Variants in UGGT1 observed in about 807,000 individuals in gnomAD.
UGGT1 encodes UDP-glucose glycoprotein glucosyltransferase 1.
UGGT1 carries 107 observed loss-of-function variants against 203.9 expected under a neutral mutation model. That is an observed-to-expected ratio of 0.52 (90% CI 0.45 to 0.62). The LOEUF is 0.62. Ranked by LOEUF, UGGT1 falls within the 20% of genes least tolerant of loss-of-function variation. The pLI is 0.00. For missense variants in UGGT1, 1,673 were observed against 1,867.2 expected (o/e 0.90, Z 1.92); for synonymous variants, 628 against 653.5 (o/e 0.96, Z 0.59).
At chr2:128,137,744 G>C (rs1253723668) in intron 15 of UGGT1, among the ~76,000 whole-genome samples, 1 of 152,190 alleles carries the variant, frequency 6.6e-6, no homozygotes, top group African/African-American at 2.4e-5. Flanking sequence ...GTCTGGTCTA[G>C]ACTGATTAAT....
chr2:128,170,380 C>A lies in UGGT1; in HGVS notation c.3014C>A (p.Pro1005His), dbSNP rs766859066. ...ACCAGAGAAGCACAGAGACTTGCTCCTTTGCTCTTGGTAGGAACGCTGTGC... is the reference window on the plus strand; with the variant it reads ...ACCAGAGAAGCACAGAGACTTGCTCATTTGCTCTTGGTAGGAACGCTGTGC... ...PVTREAQRLAPLLLVLAQLIN... is the reference protein window; with the variant it reads ...PVTREAQRLAHLLLVLAQLIN... The change falls in exon 27 of 41, where the codon CCT becomes CAT. Residue 1005 changes from proline (P) to histidine (H), a missense_variant. By Grantham distance (77) the Pro-to-His change is moderately conservative. Coordinates refer to ENST00000259253, the MANE Select transcript of UGGT1 (RefSeq NM_020120.4). 1.9e-6 allele frequency: 3 copies of A among 1,614,090 alleles called. No individual in the cohort carries two copies. Among genetic ancestry groups the A allele is most frequent in the South Asian group, 2.2e-5 (2 of 91,080 alleles).
At chr2:128,112,474 T>TATATATATATATATA (rs1687915322) in intron 5 of UGGT1, among the ~76,000 whole-genome samples, 1 of 32,494 alleles carries the variant, frequency 3.1e-5, no homozygotes, top group East Asian at 1.0e-3. Context: ...ATATATATAT[T>TATATATATATATATA]ACATACATAC....
intron 8 of UGGT1, 139 bp downstream of exon 8, chr2:128,116,482 G>A (rs867186956): frequency 8.7e-6 from 5 of 571,472 alleles, no homozygotes; most frequent in Non-Finnish European, 1.6e-5. Context: ...GCAATCCTAC[G>A]TGGAGAGTCA....
chr2:128,193,302 A>G lies in UGGT1; in HGVS notation c.*3560A>G, dbSNP rs1692362030. The G allele has an allele frequency of 7.0e-6, 1 of 143,532 alleles. No individual in the cohort carries two copies. The highest frequency in any genetic ancestry group is 1.5e-5 in the Non-Finnish European group (1 of 66,510). 8.9% of individuals were successfully genotyped at this position (143,532 alleles called of 1,614,324 possible). A position where few individuals can be genotyped will look rare whatever the true frequency, so the allele number is the denominator to read the frequency against. ...AGTCTCATTCTGTCACCCAGGCTGGAGTGCAGTGGTGCGATCTTGGCTCAC... is the reference window on the plus strand; with the variant it reads ...AGTCTCATTCTGTCACCCAGGCTGGGGTGCAGTGGTGCGATCTTGGCTCAC... On this transcript the variant is annotated 3_prime_UTR_variant, in exon 41 of 41. Transcript: ENST00000259253.
chr2:128,131,417 A>C (rs1243212720), intron 13 of UGGT1, among the ~76,000 whole-genome samples: 1 of 152,124 alleles, frequency 6.6e-6, no homozygotes, highest in Non-Finnish European at 1.5e-5. Context: ...AGCTCACCAC[A>C]GCCTTAAACT....
rs565045862 is a variant in UGGT1, at chr2:128,107,938, G to A, written c.278G>A (p.Gly93Asp). The A allele has an allele frequency of 1.3e-4, 208 of 1,614,046 alleles. 2 individuals are homozygous for A. The South Asian group carries it at 2.2e-3, about 17-fold the overall frequency. ...TTTGGTTAATGTTCTTCCTTGACAG[G>A]TACCGATTATTCCTACTATCATGCA... is the stretch of plus-strand genomic sequence containing the variant. ...SQNIGSSDHD[G>D]TDYSYYHAIL... Residue 93 changes from glycine (G) to aspartate (D), a missense_variant and splice_region_variant, in exon 4 of 41, where the codon GGT (glycine) becomes GAT (aspartate). Coordinates refer to ENST00000259253, the MANE Select transcript of UGGT1 (RefSeq NM_020120.4).
chr2:128,122,147 T>C (rs1372220293), intron 10 of UGGT1, among the ~76,000 whole-genome samples: 1 of 152,128 alleles, frequency 6.6e-6, no homozygotes, highest in Non-Finnish European at 1.5e-5. Flanking sequence ...CTAATTTTTG[T>C]ATTTTTAGTA....
chr2:128,173,858 C>G lies in UGGT1; in HGVS notation c.3372C>G (p.Gly1124=). Residue 1124 remains glycine, a synonymous_variant, in exon 30 of 41, where the codon GGC becomes GGG. Transcript: ENST00000259253. ...LEGHCYDITT[G]QPPRGLQFTL... is the part of the protein sequence containing the mutation. ...GTCATTGCTACGACATCACCACAGG[C>G]CAGCCTCCACGGGGACTACAGTTTA... The G allele has an allele frequency of 6.2e-7, 1 of 1,614,154 alleles. No homozygotes were observed. The highest frequency in any genetic ancestry group is 8.5e-7 in the Non-Finnish European group (1 of 1,180,012).
At chr2:128,183,935 TGTGAGAGAGA>T in intron 38 of UGGT1, 146 bp downstream of exon 38, 34 of 518,514 alleles carry the variant, frequency 6.6e-5, no homozygotes, top group Non-Finnish European at 1.0e-4. Context: ...TGTGTGTGTG[TGTGAGAGAGA>T]GAGAGAGAGA....
intron 27 of UGGT1, 45 bp from the exon 28 acceptor site, chr2:128,171,160 G>A (rs1691078854): frequency 6.4e-7 from 1 of 1,554,988 alleles, no homozygotes; most frequent in Non-Finnish European, 8.8e-7. Flanking sequence ...ATAAATTTCT[G>A]AAGAAAAAAA....
At chr2:128,188,353 A>G (rs1692098868) in intron 40 of UGGT1, among the ~76,000 whole-genome samples, 1 of 152,100 alleles carries the variant, frequency 6.6e-6, no homozygotes, top group South Asian at 2.1e-4. Context: ...CGAAAAAAGT[A>G]TTCTTTAAAA....
At chr2:128,122,340 C>G (rs979204342) in intron 10 of UGGT1, among the ~76,000 whole-genome samples, 2 of 152,014 alleles carry the variant, frequency 1.3e-5, no homozygotes, top group African/African-American at 4.8e-5. Flanking sequence ...CCAGACCAGC[C>G]TGGCCAACAT....
intron 2 of UGGT1, 27 bp from the exon 3 acceptor site, chr2:128,103,905 T>C (rs897570649): frequency 5.2e-6 from 8 of 1,535,868 alleles, no homozygotes; most frequent in Non-Finnish European, 7.0e-6. Context: ...TTTATTAAGT[T>C]GTTTTATTTC....
intron 1 of UGGT1, 99 bp downstream of exon 1, chr2:128,091,514 G>A (rs1686861852): frequency 1.3e-6 from 2 of 1,495,066 alleles, no homozygotes; most frequent in Non-Finnish European, 1.8e-6. Context: ...CGCCTCTACC[G>A]TGACTCAGTT....
chr2:128,148,746 A>G (rs1403293433), intron 18 of UGGT1, among the ~76,000 whole-genome samples: 1 of 151,878 alleles, frequency 6.6e-6, no homozygotes, highest in Non-Finnish European at 1.5e-5. Context: ...TGGACATCCC[A>G]TTCCCCAGCC....
At chr2:128,121,405 C>CTTT (rs10636999) in intron 10 of UGGT1, 107 bp downstream of exon 10, 15,431 of 449,730 alleles carry the variant, frequency 0.034, 189 homozygotes, top group African/African-American at 0.074. Flanking sequence ...AATTAAGATT[C>CTTT]TTTTTTTTTT....
intron 28 of UGGT1, 114 bp downstream of exon 28, chr2:128,171,398 C>A: frequency 1.0e-6 from 1 of 988,518 alleles, no homozygotes; most frequent in Non-Finnish European, 1.5e-6. Flanking sequence ...TTGAAATGGT[C>A]ATTTACTAAA....
At chr2:128,172,293 T>C (rs914023801) in intron 28 of UGGT1, among the ~76,000 whole-genome samples, 1 of 152,142 alleles carries the variant, frequency 6.6e-6, no homozygotes, top group Admixed American at 6.6e-5. Flanking sequence ...GAGTATGAGC[T>C]AGAGTACCTG....
intron 26 of UGGT1, among the ~76,000 whole-genome samples, chr2:128,166,497 G>A (rs1415452391): frequency 6.6e-6 from 1 of 152,174 alleles, no homozygotes; most frequent in Non-Finnish European, 1.5e-5. Flanking sequence ...CATGACTCCA[G>A]TATCTTTGTA....
Sources: allele counts gnomAD v4.1 joint callset (sites outside exome capture counted in the v4.1 genomes callset), GRCh38; gene constraint gnomAD v4.1.1; transcripts MANE v1.5; gene names NCBI Gene and HGNC (gene_info 2026-07-23, HGNC 2026-07-21).